Variants in CNTNAP5 observed in about 807,000 individuals in gnomAD.
The protein encoded by CNTNAP5 is contactin associated protein family member 5.
CNTNAP5 carries 72 observed loss-of-function variants against 150.2 expected under a neutral mutation model. The ratio of observed to expected loss-of-function variants is 0.48; its 90% CI spans 0.40 to 0.58. The LOEUF (loss-of-function observed/expected upper bound fraction) is 0.58. Ranked by LOEUF, CNTNAP5 falls within the 20% of genes least tolerant of loss-of-function variation. The pLI, the probability that CNTNAP5 is intolerant of heterozygous loss-of-function variation, is 0.00. For missense variants in CNTNAP5, 1,636 were observed against 1,626.2 expected (o/e 1.01, Z -0.10); for synonymous variants, 672 against 619.8 (o/e 1.08, Z -1.25).
At chr2:124,060,036 T>G (rs2104652334) in intron 1 of CNTNAP5, among the ~76,000 whole-genome samples, 1 of 152,324 alleles carries the variant, frequency 6.6e-6, no homozygotes, top group African/African-American at 2.4e-5. Flanking sequence ...ATTTGTAAGA[T>G]GTTTTCTCTA....
intron 3 of CNTNAP5, among the ~76,000 whole-genome samples, chr2:124,329,666 A>C (rs1253458572): frequency 6.6e-6 from 1 of 152,190 alleles, no homozygotes; most frequent in East Asian, 1.9e-4. Flanking sequence ...TCGGTGGCAA[A>C]GGATACCATT....
intron 11 of CNTNAP5, among the ~76,000 whole-genome samples, chr2:124,566,687 C>T (rs1696032493): frequency 6.6e-6 from 1 of 152,230 alleles, no homozygotes; most frequent in African/African-American, 2.4e-5. Flanking sequence ...TTGGCAAGCA[C>T]ACCTTGGTTC....
chr2:124,849,672 G>T (rs1047119428), intron 19 of CNTNAP5, among the ~76,000 whole-genome samples: 1 of 152,098 alleles, frequency 6.6e-6, no homozygotes, highest in Non-Finnish European at 1.5e-5. Flanking sequence ...ATGAATGTGG[G>T]CTATCTATTA....
intron 13 of CNTNAP5, among the ~76,000 whole-genome samples, chr2:124,658,266 G>A (rs1362596415): frequency 6.6e-6 from 1 of 152,146 alleles, no homozygotes; most frequent in African/African-American, 2.4e-5. Flanking sequence ...CTGACTCCCA[G>A]CTTTGCCATT....
At chr2:124,221,383 A>G (rs896400841) in intron 1 of CNTNAP5, among the ~76,000 whole-genome samples, 3 of 152,124 alleles carry the variant, frequency 2.0e-5, no homozygotes, top group Non-Finnish European at 4.4e-5. Flanking sequence ...GGCTTATTGA[A>G]GAAATGTAGC....
intron 21 of CNTNAP5, among the ~76,000 whole-genome samples, chr2:124,888,612 G>T (rs1678128744): frequency 6.6e-6 from 1 of 151,984 alleles, no homozygotes; most frequent in Non-Finnish European, 1.5e-5. Flanking sequence ...AATGTTTGTT[G>T]TTTTTTGACT....
intron 11 of CNTNAP5, among the ~76,000 whole-genome samples, chr2:124,609,104 A>G (rs1164916656): frequency 6.6e-6 from 1 of 152,066 alleles, no homozygotes; most frequent in African/African-American, 2.4e-5. Flanking sequence ...CGTGACCACT[A>G]CTCTTACAGG....
intron 3 of CNTNAP5, among the ~76,000 whole-genome samples, chr2:124,295,817 A>G (rs1234179564): frequency 6.6e-6 from 1 of 152,202 alleles, no homozygotes; most frequent in Non-Finnish European, 1.5e-5. Flanking sequence ...TAGACCATAT[A>G]GGGTAACTTC....
chr2:124,617,958 A>G (rs1677525084), intron 12 of CNTNAP5, among the ~76,000 whole-genome samples: 1 of 152,114 alleles, frequency 6.6e-6, no homozygotes, highest in African/African-American at 2.4e-5. Flanking sequence ...GGAAGACAGA[A>G]TGAAGGGCAG....
chr2:124,040,687 C>CAG (rs1256169123), intron 1 of CNTNAP5, among the ~76,000 whole-genome samples: 1 of 148,312 alleles, frequency 6.7e-6, no homozygotes, highest in Non-Finnish European at 1.5e-5. Flanking sequence ...TGGCAGAAGA[C>CAG]AGAGACATCT....
chr2:124,297,810 TTTATTATTA>T (rs138310065), intron 3 of CNTNAP5, among the ~76,000 whole-genome samples: 2,882 of 126,330 alleles, frequency 0.023, 60 homozygotes, highest in African/African-American at 0.06. Flanking sequence ...CATCCAATTA[TTTATTATTA>T]TTATTATTAT....
chr2:124,065,093 T>C (rs1177985568), intron 1 of CNTNAP5, among the ~76,000 whole-genome samples: 1 of 152,158 alleles, frequency 6.6e-6, no homozygotes, highest in Non-Finnish European at 1.5e-5. Flanking sequence ...CCACATATAT[T>C]GAAGAGCTGA....
At chr2:124,139,938 T>C (rs1056512703) in intron 1 of CNTNAP5, among the ~76,000 whole-genome samples, 1 of 152,080 alleles carries the variant, frequency 6.6e-6, no homozygotes, top group Non-Finnish European at 1.5e-5. Flanking sequence ...GCGCGCACCG[T>C]GCACGAGCCG....
At chr2:124,256,561 G>A (rs1446449911) in intron 3 of CNTNAP5, among the ~76,000 whole-genome samples, 1 of 152,148 alleles carries the variant, frequency 6.6e-6, no homozygotes, top group Non-Finnish European at 1.5e-5. Flanking sequence ...GGAAGTTCCT[G>A]CAGCTGGCTC....
chr2:124,896,139 T>C (rs951195140), intron 21 of CNTNAP5, among the ~76,000 whole-genome samples: 1 of 151,500 alleles, frequency 6.6e-6, no homozygotes, highest in Non-Finnish European at 1.5e-5. Context: ...TTGTAAGAAA[T>C]ATTAATGAAG....
intron 1 of CNTNAP5, among the ~76,000 whole-genome samples, chr2:124,103,217 T>C (rs1295460654): frequency 2.0e-5 from 3 of 152,176 alleles, no homozygotes; most frequent in Non-Finnish European, 4.4e-5. Flanking sequence ...AGTGGGGCAA[T>C]GTGTCTGTGT....
chr2:124,404,071 A>T (rs1465928520), intron 3 of CNTNAP5, among the ~76,000 whole-genome samples: 1 of 152,176 alleles, frequency 6.6e-6, no homozygotes, highest in Non-Finnish European at 1.5e-5. Flanking sequence ...GGACACAGCC[A>T]AACCGTATCC....
chr2:124,204,247 C>T (rs1685806314), intron 1 of CNTNAP5, among the ~76,000 whole-genome samples: 1 of 152,290 alleles, frequency 6.6e-6, no homozygotes, highest in Middle Eastern at 3.4e-3. Flanking sequence ...ATAAGCATAA[C>T]AAGATTCACC....
intron 1 of CNTNAP5, among the ~76,000 whole-genome samples, chr2:124,198,311 T>C (rs922273265): frequency 2.0e-5 from 3 of 152,198 alleles, no homozygotes; most frequent in Non-Finnish European, 4.4e-5. Context: ...AGTTATATGG[T>C]TGCCAAAATT....
Sources: gnomAD v4.1 joint callset for allele counts (sites outside exome capture counted in the v4.1 genomes callset) on GRCh38, gnomAD v4.1.1 for gene constraint, MANE v1.5 for transcripts, NCBI Gene and HGNC (gene_info 2026-07-23, HGNC 2026-07-21) for gene names.